ZNF90: variants seen among roughly 807,000 people sequenced by gnomAD.
ZNF90 encodes the protein zinc finger protein HTF9.
ZNF90 carries 11 observed loss-of-function variants against 12.0 expected under a neutral mutation model. The observed-to-expected ratio is 0.92, with a 90% CI of 0.58 to 1.52. The LOEUF is 1.52. Ranked by LOEUF, ZNF90 falls within the 40% of genes most tolerant of loss-of-function variation. The pLI, the probability that ZNF90 is intolerant of heterozygous loss-of-function variation, is 0.00. For missense variants in ZNF90, 765 were observed against 711.5 expected, an observed-to-expected ratio of 1.08 and a Z score of -0.86; for synonymous variants, 232 against 240.1, an observed-to-expected ratio of 0.97 and a Z score of 0.31.
chr19:20,104,172 C>A lies in ZNF90; in HGVS notation c.4-67C>A, dbSNP rs180812414. On this transcript the variant is annotated intron_variant, in intron 1 of 3. Coordinates refer to ENST00000418063, the MANE Select transcript of ZNF90 (RefSeq NM_007138.2). Reference sequence around the variant, plus strand: ...TCTTTACTCTCCAATTTCACCTTAACTCAAATTACAAACTTTGCCCATGAC... The same window carrying A: ...TCTTTACTCTCCAATTTCACCTTAAATCAAATTACAAACTTTGCCCATGAC... 1.0e-4 allele frequency: 163 copies of A among 1,602,190 alleles called. 1 individual carries two copies. In the African/African-American group the frequency reaches 1.8e-3, roughly 18 times the overall value.
chr19:20,104,955 T>G (rs181310270), intron 2 of ZNF90, among the ~76,000 whole-genome samples: 1 of 152,096 alleles, frequency 6.6e-6, no homozygotes, highest in East Asian at 1.9e-4. Flanking sequence ...GATTGCACCA[T>G]TGCACACCAG....
intron 3 of ZNF90, among the ~76,000 whole-genome samples, chr19:20,112,526 T>C (rs1427887027): frequency 6.6e-6 from 1 of 151,722 alleles, no homozygotes; most frequent in Non-Finnish European, 1.5e-5. Context: ...TTCACCATGT[T>C]GTTTAGGCTG....
chr19:20,105,122 TACTAG>T, intron 2 of ZNF90, 94 bp from the exon 3 acceptor site: 3 of 791,000 alleles, frequency 3.8e-6, no homozygotes, highest in South Asian at 2.9e-5. Context: ...TTTTGGAATT[TACTAG>T]ACTATTTTAT....
intron 1 of ZNF90, among the ~76,000 whole-genome samples, chr19:20,085,556 G>A (rs2088853369): frequency 6.6e-6 from 1 of 152,092 alleles, no homozygotes; most frequent in Admixed American, 6.5e-5. Flanking sequence ...CACCGCGCCC[G>A]GCCAGTTGCA....
chr19:20,107,203 C>G, intron 3 of ZNF90: 1 of 342,214 alleles, frequency 2.9e-6, no homozygotes, highest in Non-Finnish European at 5.8e-6. Flanking sequence ...TTCATGCCTG[C>G]CTGTATAGCT....
At chr19:20,094,851 A>C (rs546748572) in intron 1 of ZNF90, among the ~76,000 whole-genome samples, 1 of 152,170 alleles carries the variant, frequency 6.6e-6, no homozygotes, top group East Asian at 1.9e-4. Context: ...TCTGATAGAG[A>C]AAAAGGTACA....
chr19:20,091,233 G>C (rs2088900407), intron 1 of ZNF90, among the ~76,000 whole-genome samples: 1 of 152,134 alleles, frequency 6.6e-6, no homozygotes, highest in South Asian at 2.1e-4. Context: ...CCCCGAGCTT[G>C]ATGTGTAGGG....
chr19:20,102,870 T>C (rs1313705891), intron 1 of ZNF90, among the ~76,000 whole-genome samples: 2 of 152,262 alleles, frequency 1.3e-5, no homozygotes, highest in African/African-American at 4.8e-5. Flanking sequence ...AGCTGCTCTC[T>C]AGGGTGCTAA....
At chr19:20,117,186 G>C (rs531713445) in intron 3 of ZNF90, among the ~76,000 whole-genome samples, 1 of 151,782 alleles carries the variant, frequency 6.6e-6, no homozygotes, top group Non-Finnish European at 1.5e-5. Context: ...AGGATTACAG[G>C]TACCTGTTAC....
chr19:20,091,760 G>T (rs1555702743), intron 1 of ZNF90, among the ~76,000 whole-genome samples: 2 of 151,524 alleles, frequency 1.3e-5, no homozygotes, highest in African/African-American at 2.4e-5. Flanking sequence ...ACCTCTTTCA[G>T]CCCATATGAC....
chr19:20,106,610 C>T (rs372639014), intron 3 of ZNF90, among the ~76,000 whole-genome samples: 128 of 152,288 alleles, frequency 8.4e-4, no homozygotes, highest in African/African-American at 2.7e-3. Context: ...CCCGCCACCA[C>T]GCCCAGCTAA....
At chr19:20,102,743 C>T (rs569733647) in intron 1 of ZNF90, among the ~76,000 whole-genome samples, 1 of 152,082 alleles carries the variant, frequency 6.6e-6, no homozygotes, top group Non-Finnish European at 1.5e-5. Context: ...GAGAATATGT[C>T]ATGTTGAGGC....
At chr19:20,111,432 G>T (rs1555705112) in intron 3 of ZNF90, among the ~76,000 whole-genome samples, 1 of 152,264 alleles carries the variant, frequency 6.6e-6, no homozygotes, top group Non-Finnish European at 1.5e-5. Flanking sequence ...TGTTGCCCAG[G>T]CTGGCCTTGA....
At chr19:20,092,164 A>G (rs2122488708) in intron 1 of ZNF90, among the ~76,000 whole-genome samples, 1 of 152,336 alleles carries the variant, frequency 6.6e-6, no homozygotes, top group East Asian at 1.9e-4. Flanking sequence ...TGGGAGACTC[A>G]ACAAAGAGTG....
intron 1 of ZNF90, chr19:20,080,292 G>A: frequency 1.8e-6 from 1 of 560,908 alleles, no homozygotes; most frequent in South Asian, 1.5e-5. Context: ...TAGATGTATT[G>A]TAGACAACAT....
chr19:20,110,022 A>T (rs1190918489), intron 3 of ZNF90, among the ~76,000 whole-genome samples: 2 of 152,192 alleles, frequency 1.3e-5, no homozygotes, highest in Non-Finnish European at 2.9e-5. Flanking sequence ...CTTATTTCAT[A>T]TAAGTGAAAT....
intron 1 of ZNF90, among the ~76,000 whole-genome samples, chr19:20,102,467 A>AC (rs2088997327): frequency 6.6e-6 from 1 of 152,144 alleles, no homozygotes; most frequent in Non-Finnish European, 1.5e-5. Flanking sequence ...AGCAATAGGG[A>AC]CTAGTGGTGT....
In ZNF90 at chr19:20,118,685, A is replaced by G. The variant is rs782308806; in HGVS notation, c.1131A>G (p.Ala377=). 1.9e-6 allele frequency: 3 copies of G among 1,566,372 alleles called. No individual in the cohort carries two copies. The highest frequency in any genetic ancestry group is 8.6e-7 in the Non-Finnish European group (1 of 1,156,560). The change falls in exon 4 of 4, where the codon GCA becomes GCG. Residue 377 remains alanine (A), a synonymous_variant. Transcript: ENST00000418063. ...KPYKCDKCGK[A]FISSSLLYKH... is the part of the protein sequence containing the mutation. ...ACAAGTGTGATAAATGTGGCAAAGCATTTATTTCATCCTCACTCCTTTATA... is the reference window on the plus strand; with the variant it reads ...ACAAGTGTGATAAATGTGGCAAAGCGTTTATTTCATCCTCACTCCTTTATA...
chr19:20,099,266 AG>A (rs1168479796), intron 1 of ZNF90, among the ~76,000 whole-genome samples: 1 of 151,992 alleles, frequency 6.6e-6, no homozygotes, highest in Admixed American at 6.6e-5. Context: ...CTCTGCCACC[AG>A]GGTTCAAGCG....
Sources: gnomAD v4.1 joint callset for allele counts (sites outside exome capture counted in the v4.1 genomes callset) on GRCh38, gnomAD v4.1.1 for gene constraint, MANE v1.5 for transcripts, NCBI Gene and HGNC (gene_info 2026-07-23, HGNC 2026-07-21) for gene names.